Variants in CEP192 observed in about 807,000 individuals in gnomAD.
The protein encoded by CEP192 is centrosomal protein 192, also known as centrosomal protein of 192 kDa.
A neutral mutation model predicts 271.8 loss-of-function variants in CEP192; 151 were observed. The observed-to-expected ratio is 0.56, with a 90% CI of 0.49 to 0.64. CEP192 has a LOEUF of 0.64. Ranked by LOEUF, CEP192 falls within the 30% of genes least tolerant of loss-of-function variation. CEP192 has a pLI of 0.00. For missense variants in CEP192, 2,910 were observed against 3,020.5 expected (o/e 0.96, Z 0.86); for synonymous variants, 995 against 1,076.5 (o/e 0.92, Z 1.48).
intron 30 of CEP192, among the ~76,000 whole-genome samples, chr18:13,080,689 TGA>T (rs2038555142): frequency 1.3e-5 from 2 of 152,178 alleles, no homozygotes; most frequent in Non-Finnish European, 2.9e-5. Flanking sequence ...ATAGAAATGG[TGA>T]GAGAGGGCAT....
chr18:13,097,532 C>T (rs1353453801), intron 36 of CEP192, among the ~76,000 whole-genome samples: 1 of 151,900 alleles, frequency 6.6e-6, no homozygotes, highest in Non-Finnish European at 1.5e-5. Context: ...TCTCACGTGG[C>T]TCAGAGCTTT....
chr18:13,110,847 G>A (rs569427400), intron 40 of CEP192, among the ~76,000 whole-genome samples: 3 of 152,328 alleles, frequency 2.0e-5, no homozygotes, highest in Admixed American at 2.0e-4. Flanking sequence ...TGATTTCCAA[G>A]GGCAGGAGGA....
intron 41 of CEP192, 31 bp from the exon 42 acceptor site, chr18:13,114,099 T>C (rs1568439948): frequency 1.3e-6 from 2 of 1,582,880 alleles, no homozygotes; most frequent in Non-Finnish European, 1.7e-6. Flanking sequence ...TTTTTATTTC[T>C]TCTCCGTTAC....
At chr18:12,997,316 C>G (rs2033314272) in intron 1 of CEP192, among the ~76,000 whole-genome samples, 1 of 152,276 alleles carries the variant, frequency 6.6e-6, no homozygotes, top group South Asian at 2.1e-4. Context: ...CTGAACAAGT[C>G]TGAGCCCTGA....
chr18:13,033,653 A>G (rs2035754958), intron 11 of CEP192, among the ~76,000 whole-genome samples: 1 of 152,268 alleles, frequency 6.6e-6, no homozygotes, highest in African/African-American at 2.4e-5. Flanking sequence ...CAACGTTAGA[A>G]GCAATGTAGA....
chr18:13,012,936 A>T (rs2034445076), intron 4 of CEP192, 37 bp from the exon 5 acceptor site: 1 of 1,213,992 alleles, frequency 8.2e-7, no homozygotes, highest in Non-Finnish European at 1.2e-6. Flanking sequence ...TGATAAAATA[A>T]CCTGGTCTCT....
In CEP192 at chr18:13,092,382, G is replaced by C; in HGVS notation, c.6109G>C (p.Asp2037His). The change falls in exon 34 of 45, where the codon GAT becomes CAT. Residue 2037 changes from aspartate (D) to histidine (H), a missense_variant. Transcript: ENST00000506447. ...QDELLVTEVY[D>H]LPQRPNDVQL... ...AACATTATTTTCTATTTCAGTATAT[G>C]ATCTTCCCCAACGACCTAATGATGT... 6.3e-7 allele frequency: 1 copy of C among 1,588,088 alleles called. No individual in the cohort carries two copies. The highest frequency in any genetic ancestry group is 2.3e-5 in the East Asian group (1 of 44,284).
intron 32 of CEP192, 33 bp downstream of exon 32, chr18:13,087,679 C>G (rs374386227): frequency 1.8e-6 from 2 of 1,118,934 alleles, no homozygotes; most frequent in African/African-American, 3.2e-5. Flanking sequence ...TGTTGGGAAC[C>G]ATTCAGCAGA....
At chr18:13,003,439 ACT>A (rs1473287671) in intron 3 of CEP192, among the ~76,000 whole-genome samples, 1 of 134,796 alleles carries the variant, frequency 7.4e-6, no homozygotes, top group South Asian at 2.5e-4. Context: ...ACAGAGTGAG[ACT>A]CTGTCTCAAG....
chr18:13,068,034 T>C (rs2037805661), intron 22 of CEP192, 60 bp from the exon 23 acceptor site: 1 of 1,602,594 alleles, frequency 6.2e-7, no homozygotes, highest in Non-Finnish European at 8.5e-7. Context: ...AAGGATTTTG[T>C]TAGCAAACTT....
intron 26 of CEP192, 127 bp from the exon 27 acceptor site, chr18:13,069,611 T>C: frequency 1.5e-6 from 1 of 673,570 alleles, no homozygotes; most frequent in Non-Finnish European, 2.6e-6. Context: ...GTTGAGACCG[T>C]GACAGACAAG....
intron 39 of CEP192, among the ~76,000 whole-genome samples, chr18:13,104,325 G>A (rs1034224409): frequency 2.2e-5 from 3 of 138,558 alleles, no homozygotes; most frequent in African/African-American, 7.4e-5. Context: ...ACTATCTATG[G>A]CAGTAGTCTC....
Position 13,056,145 on chromosome 18 carries a change from C to T in CEP192, c.3555C>T (p.His1185=). 1 of 1,613,422 alleles carries T rather than the reference C, an allele frequency of 6.2e-7. No individual in the cohort carries two copies. The part of the protein sequence containing the change: ...LSCQVGSATS[H]PVSCQEPIDE... ...GTCAGGTGGGGTCAGCCACATCACA[C>T]CCTGTGTCCTGCCAGGAGCCTATAG... Residue 1185 remains histidine, a synonymous_variant, in exon 19 of 45, where the codon CAC becomes CAT. Coordinates refer to ENST00000506447, the MANE Select transcript of CEP192 (RefSeq NM_032142.4).
At chr18:13,089,669 A>G in intron 33 of CEP192, 104 bp downstream of exon 33, 2 of 594,842 alleles carry the variant, frequency 3.4e-6, no homozygotes, top group South Asian at 4.8e-5. Flanking sequence ...GTTTAGATGC[A>G]GTGTCAGGCA....
At chr18:12,994,426 C>T (rs2033084423) in intron 1 of CEP192, among the ~76,000 whole-genome samples, 1 of 151,648 alleles carries the variant, frequency 6.6e-6, no homozygotes, top group South Asian at 2.1e-4. Context: ...GTGAATGAGC[C>T]TGAGAGGGTG....
At chr18:12,994,942 T>G (rs1348702990) in intron 1 of CEP192, among the ~76,000 whole-genome samples, 2 of 152,100 alleles carry the variant, frequency 1.3e-5, no homozygotes, top group African/African-American at 4.8e-5. Context: ...TTATGGAGTA[T>G]TCTTCTGAGA....
chr18:13,086,047 T>G (rs1030717103), intron 30 of CEP192, among the ~76,000 whole-genome samples: 6 of 152,248 alleles, frequency 3.9e-5, no homozygotes, highest in African/African-American at 1.4e-4. Context: ...CTTTGTGTCT[T>G]CTCTTACTTC....
At position 13,045,355 on chromosome 18, in the gene CEP192, C is replaced by T. The variant is rs964573130; in HGVS notation, c.2067+3021C>T. On this transcript the variant is annotated intron_variant, in intron 15 of 44. Transcript: ENST00000506447. ...TTCAGCGGTGTAAGTGCATGGGATA[C>T]GTGTAGGAGATTTTCTGGTTTTTGA... Among the ~76,000 whole-genome samples, 9 of 152,080 alleles carry T rather than the reference C, an allele frequency of 5.9e-5. No individual in the cohort carries two copies. In the East Asian group the frequency reaches 1.3e-3, roughly 23 times the overall value.
intron 44 of CEP192, 82 bp from the exon 45 acceptor site, chr18:13,124,550 C>G: frequency 7.3e-7 from 1 of 1,373,728 alleles, no homozygotes; most frequent in Admixed American, 2.3e-5. Context: ...TCCTCAACAC[C>G]TGAGCCAGGC....
Sources: allele counts gnomAD v4.1 joint callset (sites outside exome capture counted in the v4.1 genomes callset), GRCh38; gene constraint gnomAD v4.1.1; transcripts MANE v1.5; gene names NCBI Gene and HGNC (gene_info 2026-07-23, HGNC 2026-07-21).